BCAP31: variants seen among roughly 807,000 people sequenced by gnomAD.
BCAP31 encodes B cell receptor associated protein 31, also known as B-cell receptor-associated protein 31.
For missense variants in BCAP31, 124 were observed against 193.0 expected, an observed-to-expected ratio of 0.64 and a Z score of 2.12; for synonymous variants, 75 against 80.9, an observed-to-expected ratio of 0.93 and a Z score of 0.39.
At chrX:153,717,321 C>T (rs2091636055) in intron 3 of BCAP31, among the ~76,000 whole-genome samples, 1 of 112,610 alleles carries the variant, frequency 8.9e-6, no homozygotes, top group Admixed American at 9.4e-5. Flanking sequence ...AAACCTACTG[C>T]TTTTCCCCAT....
At chrX:153,723,032 A>C (rs1034816236) in intron 2 of BCAP31, 121 bp downstream of exon 2, 7 of 926,652 alleles carry the variant, frequency 7.6e-6, no homozygotes, top group Admixed American at 3.7e-5. Context: ...CCCACCCCAG[A>C]CAGGTTCTAC....
chrX:153,700,598 A>G lies in BCAP31; in HGVS notation c.*339T>C. 4.5e-6 allele frequency: 1 copy of G among 221,569 alleles called. No homozygotes were observed. The allele number at this position is 221,569 out of a possible 1,213,427, so 18.3% of individuals were successfully genotyped here. Reference sequence around the variant, plus strand: ...AAGAAAACACCCAGAGGGCAAAACAAAAAGGGGCTCAAACCAACAGGAAGT... The same window carrying G: ...AAGAAAACACCCAGAGGGCAAAACAGAAAGGGGCTCAAACCAACAGGAAGT... On this transcript the variant is annotated 3_prime_UTR_variant, in exon 8 of 8. Coordinates refer to ENST00000345046, the MANE Select transcript of BCAP31 (RefSeq NM_001256447.2).
chrX:153,705,037 A>T (rs1318062841), intron 4 of BCAP31: 1 of 108,118 alleles, frequency 9.2e-6, no homozygotes, highest in Non-Finnish European at 2.0e-5. Flanking sequence ...GGACTCGTTC[A>T]AACAGTCAAA....
chrX:153,712,745 T>G (rs1342969754), intron 4 of BCAP31, among the ~76,000 whole-genome samples: 1 of 111,972 alleles, frequency 8.9e-6, no homozygotes, highest in Non-Finnish European at 1.9e-5. Flanking sequence ...CCATAAGCGA[T>G]CTAGTTAATC....
At chrX:153,719,842 C>A (rs2091652924) in intron 3 of BCAP31, among the ~76,000 whole-genome samples, 1 of 112,072 alleles carries the variant, frequency 8.9e-6, no homozygotes, top group African/African-American at 3.2e-5. Context: ...CACCTCATTG[C>A]AAAATGTCTG....
At position 153,700,972 on chromosome X, in the gene BCAP31, C is replaced by T. The variant is rs143119011; in HGVS notation, c.706G>A (p.Ala236Thr). The T allele has an allele frequency of 7.6e-4, 911 of 1,204,975 alleles. 5 individuals carry two copies. The highest frequency in any genetic ancestry group is 6.8e-5 in the Non-Finnish European group (61 of 892,825). ...LLEEHAKLQA[A>T]VDGPMDKKEE ...TTCTTGTCCATGGGACCATCTACTG[C>T]AGCCTGGAAAGGGACAGAAATCCCA... The change falls in exon 8 of 8, where the codon GCA becomes ACA. Residue 236 changes from alanine (A) to threonine (T), a missense_variant. Ala to Thr is a moderately conservative substitution (Grantham distance 58). Transcript: ENST00000345046.
At position 153,723,258 on chromosome X, in the gene BCAP31, G is replaced by C. The variant is rs2091680693; in HGVS notation, c.-14C>G. 2.5e-6 allele frequency: 3 copies of C among 1,207,348 alleles called. No homozygotes were observed. The East Asian group carries it at 8.9e-5, about 36-fold the overall frequency. ...CTGCAGACTCATCCTGTTGCTAGAA[G>C]GTTTCCCACAGGAAGATGTGAGCTT... On this transcript the variant is annotated 5_prime_UTR_variant, in exon 2 of 8. Coordinates refer to ENST00000345046, the MANE Select transcript of BCAP31 (RefSeq NM_001256447.2).
At chrX:153,723,884 G>C in intron 1 of BCAP31, 4 of 533,357 alleles carry the variant, frequency 7.5e-6, no homozygotes, top group Non-Finnish European at 6.5e-6. Context: ...CGGTGGGCTG[G>C]AGGCCCGCAA....
chrX:153,718,097 CTT>C (rs1164142025), intron 3 of BCAP31, among the ~76,000 whole-genome samples: 1 of 110,919 alleles, frequency 9.0e-6, no homozygotes, highest in African/African-American at 3.3e-5. Context: ...GGGCGGATCA[CTT>C]GAGGCCAGGA....
At chrX:153,723,467 C>T in intron 1 of BCAP31, 179 bp from the exon 2 acceptor site, 15 of 1,145,565 alleles carry the variant, frequency 1.3e-5, no homozygotes, top group Non-Finnish European at 1.7e-5. Context: ...TGGCCAGCAG[C>T]GTTCACAGGC....
At chrX:153,721,080 A>G (rs972926376) in intron 2 of BCAP31, 108 bp from the exon 3 acceptor site, 5 of 635,010 alleles carry the variant, frequency 7.9e-6, no homozygotes, top group Non-Finnish European at 1.2e-5. Flanking sequence ...CAATGGCCGA[A>G]TAGCCCATGC....
chrX:153,715,763 G>A, intron 3 of BCAP31, 74 bp from the exon 4 acceptor site: 1 of 1,133,636 alleles, frequency 8.8e-7, no homozygotes, highest in Non-Finnish European at 1.2e-6. Context: ...CAGGCAGACA[G>A]GCGGCATGAG....
At chrX:153,705,112 GA>G (rs1469990926) in intron 4 of BCAP31, 1 of 113,036 alleles carries the variant, frequency 8.8e-6, no homozygotes, top group African/African-American at 3.2e-5. Flanking sequence ...CTGGGGGAAG[GA>G]AGAGACAAAT....
At chrX:153,721,803 CAGG>C (rs1186458728) in intron 2 of BCAP31, among the ~76,000 whole-genome samples, 10 of 97,950 alleles carry the variant, frequency 1.0e-4, no homozygotes, top group Admixed American at 2.3e-4. Flanking sequence ...GAGGCTGAGG[CAGG>C]AGAATTGCTT....
chrX:153,718,371 C>T (rs1462359878), intron 3 of BCAP31, among the ~76,000 whole-genome samples: 1 of 102,500 alleles, frequency 9.8e-6, no homozygotes, highest in Non-Finnish European at 2.0e-5. Context: ...AGAAAAAGCA[C>T]AATCCAAAGT....
In BCAP31 at chrX:153,717,893, A is replaced by G. The variant is rs182349887; in HGVS notation, c.194-2204T>C. 3.4e-3 allele frequency among the ~76,000 whole-genome samples: 386 copies of G among 112,698 alleles called. 2 individuals carry two copies. Among genetic ancestry groups the G allele is most frequent in the African/African-American group, 0.012 (358 of 31,062 alleles). On this transcript the variant is annotated intron_variant, in intron 3 of 7. Coordinates refer to ENST00000345046, the MANE Select transcript of BCAP31 (RefSeq NM_001256447.2). Reference sequence around the variant, plus strand: ...TTCATACCCTCGGGTTCAACAATTCACCTCTGAAATTATCCCACAGAAGTA... The same window carrying G: ...TTCATACCCTCGGGTTCAACAATTCGCCTCTGAAATTATCCCACAGAAGTA...
At chrX:153,712,617 G>A (rs1346397902) in intron 4 of BCAP31, among the ~76,000 whole-genome samples, 2 of 110,819 alleles carry the variant, frequency 1.8e-5, no homozygotes, top group Admixed American at 9.6e-5. Context: ...CTCAGCTGCC[G>A]CACTCTCCCG....
At chrX:153,707,396 G>A (rs1475888788) in intron 4 of BCAP31, among the ~76,000 whole-genome samples, 3 of 109,967 alleles carry the variant, frequency 2.7e-5, no homozygotes, top group African/African-American at 6.6e-5. Context: ...GGGGGAGGGC[G>A]CGGGGCTGGG....
chrX:153,707,372 TAA>T (rs376704246), intron 4 of BCAP31, among the ~76,000 whole-genome samples: 1 of 92,335 alleles, frequency 1.1e-5, no homozygotes, highest in Admixed American at 1.2e-4. Flanking sequence ...CAAGTATAGC[TAA>T]AAAAAAAAAG....
Sources: allele counts gnomAD v4.1 joint callset (sites outside exome capture counted in the v4.1 genomes callset), GRCh38; gene constraint gnomAD v4.1.1; transcripts MANE v1.5; gene names NCBI Gene and HGNC (gene_info 2026-07-23, HGNC 2026-07-21).